KIF21A: variants seen among roughly 807,000 people sequenced by gnomAD.
The protein encoded by KIF21A is kinesin family member 21A.
Under a neutral mutation model 202.9 loss-of-function variants are expected in KIF21A, and 114 were observed. That is an observed-to-expected ratio of 0.56 (90% confidence interval 0.48 to 0.66). The LOEUF (loss-of-function observed/expected upper bound fraction) is 0.66. Ranked by LOEUF, KIF21A falls within the 30% of genes least tolerant of loss-of-function variation. The pLI, the probability that KIF21A is intolerant of heterozygous loss-of-function variation, is 0.00. For synonymous variants in KIF21A, 667 were observed against 670.8 expected, an observed-to-expected ratio of 0.99 and a Z score of 0.09; for missense variants, 1,677 against 1,994.9, an observed-to-expected ratio of 0.84 and a Z score of 3.04.
chr12:39,423,493 C>T (rs944910682), intron 1 of KIF21A, among the ~76,000 whole-genome samples: 3 of 151,926 alleles, frequency 2.0e-5, no homozygotes, highest in South Asian at 4.2e-4. Context: ...ATAGGTGCTA[C>T]ATTCAACAAC....
chr12:39,440,041 T>G (rs1939349591), intron 1 of KIF21A, among the ~76,000 whole-genome samples: 1 of 152,232 alleles, frequency 6.6e-6, no homozygotes, highest in African/African-American at 2.4e-5. Context: ...TGTATTGATT[T>G]ATTTATTCTG....
intron 31 of KIF21A, chr12:39,311,923 A>G: frequency 4.2e-6 from 1 of 236,134 alleles, no homozygotes; most frequent in Middle Eastern, 1.7e-3. Flanking sequence ...GGAAAACATA[A>G]TTCTATGTCA....
chr12:39,417,995 C>A (rs1271150503), intron 1 of KIF21A, among the ~76,000 whole-genome samples: 1 of 151,876 alleles, frequency 6.6e-6, no homozygotes, highest in Admixed American at 6.6e-5. Context: ...ATCTCTTGGG[C>A]TCAGGAGTTG....
intron 1 of KIF21A, among the ~76,000 whole-genome samples, chr12:39,406,841 C>T (rs1952630452): frequency 6.6e-6 from 1 of 152,124 alleles, no homozygotes; most frequent in South Asian, 2.1e-4. Flanking sequence ...CTCAAATCAA[C>T]CCACTCTCCA....
chr12:39,396,987 A>G (rs189441269), intron 1 of KIF21A, among the ~76,000 whole-genome samples: 1 of 152,352 alleles, frequency 6.6e-6, no homozygotes, highest in Admixed American at 6.5e-5. Flanking sequence ...GATTTTATTT[A>G]TTTAAAAAAT....
intron 37 of KIF21A, among the ~76,000 whole-genome samples, chr12:39,297,924 C>CA (rs200393283): frequency 0.14 from 18,725 of 131,024 alleles, 1,253 homozygotes; most frequent in East Asian, 0.17. Flanking sequence ...TTGGTATTAT[C>CA]AAAAAAAAAA....
intron 34 of KIF21A, among the ~76,000 whole-genome samples, chr12:39,306,933 T>C (rs1267012169): frequency 6.6e-6 from 1 of 152,204 alleles, no homozygotes; most frequent in Non-Finnish European, 1.5e-5. Flanking sequence ...AAGTGAATGT[T>C]TCCTTGCTGC....
chr12:39,311,506 G>A lies in KIF21A; in HGVS notation c.4007C>T (p.Pro1336Leu). 1 of 1,613,132 alleles carries A rather than the reference G, an allele frequency of 6.2e-7. No homozygotes were observed. The highest frequency in any genetic ancestry group is 8.5e-7 in the Non-Finnish European group (1 of 1,179,256). Residue 1336 changes from proline (P) to leucine (L), a missense_variant, in exon 32 of 38, where the codon CCA (proline) becomes CTA (leucine). Pro to Leu is a moderately conservative substitution (Grantham distance 98). Transcript: ENST00000361418. ...TTCAGCTATGTGAATACACTGAAGTGGAAAAGCTCTGATTCCTTTTGAAGC... is the reference window on the plus strand; with the variant it reads ...TTCAGCTATGTGAATACACTGAAGTAGAAAAGCTCTGATTCCTTTTGAAGC... ...FPASKGIRAFPLQCIHIAEGH... is the reference protein window; with the variant it reads ...FPASKGIRAFLLQCIHIAEGH...
rs1298321989 is a variant in KIF21A, at chr12:39,337,087, T to C, written c.2418+9A>G. 5 of 1,540,840 alleles carry C rather than the reference T, an allele frequency of 3.2e-6. No homozygotes were observed. The African/African-American group carries it at 4.1e-5, about 13-fold the overall frequency. ...TTTCTTATATAACTGAGAGTTAAAA[T>C]CCACTTACATCTCTTTTACGTTGAT... On this transcript the variant is annotated intron_variant, in intron 17 of 37. Transcript: ENST00000361418.
intron 37 of KIF21A, among the ~76,000 whole-genome samples, chr12:39,297,745 T>G (rs1037265347): frequency 4.0e-5 from 6 of 151,276 alleles, no homozygotes; most frequent in African/African-American, 1.5e-4. Flanking sequence ...AAAAAAAAGT[T>G]TAATAGAGCT....
In KIF21A at chr12:39,351,647, T is replaced by A. The variant is rs1008387867; in HGVS notation, c.1673+130A>T. On this transcript the variant is annotated intron_variant, in intron 11 of 37. Transcript: ENST00000361418. ...CCATTAAAAACTAGATAGTTGTAGT[T>A]TCAGCTAACATAGTGATTTATTTCA... 9 of 618,990 alleles carry A rather than the reference T, an allele frequency of 1.5e-5. No homozygotes were observed. The African/African-American group carries it at 1.7e-4, about 11-fold the overall frequency. The allele number at this position is 618,990 out of a possible 1,614,324, so 38.3% of individuals were successfully genotyped here. A position where few individuals can be genotyped will look rare whatever the true frequency, so the allele number is the denominator to read the frequency against.
chr12:39,392,889 C>T (rs1033959512), intron 1 of KIF21A, among the ~76,000 whole-genome samples: 7 of 133,164 alleles, frequency 5.3e-5, no homozygotes, highest in African/African-American at 2.0e-4. Flanking sequence ...AAGAAAAAGA[C>T]AATAAAATAA....
chr12:39,337,314 C>T (rs1238232195), intron 16 of KIF21A, 111 bp from the exon 17 acceptor site: 2 of 743,212 alleles, frequency 2.7e-6, no homozygotes, highest in Admixed American at 2.0e-5. Context: ...AACATGGAAA[C>T]ATGCAGTTTT....
At chr12:39,313,167 C>A (rs1220674971) in intron 31 of KIF21A, among the ~76,000 whole-genome samples, 1 of 151,620 alleles carries the variant, frequency 6.6e-6, no homozygotes, top group Non-Finnish European at 1.5e-5. Flanking sequence ...AAGTATATGC[C>A]ATTGTGTAAG....
chr12:39,424,781 C>T (rs935326482), intron 1 of KIF21A, among the ~76,000 whole-genome samples: 10 of 152,134 alleles, frequency 6.6e-5, no homozygotes, highest in Non-Finnish European at 1.0e-4. Context: ...ACTGCTTTCT[C>T]ACTCATCTCC....
chr12:39,346,367 T>C, intron 12 of KIF21A, 99 bp downstream of exon 12: 1 of 719,816 alleles, frequency 1.4e-6, no homozygotes, highest in South Asian at 6.3e-5. Flanking sequence ...CCAGCTTATC[T>C]AGTCTGAAAC....
chr12:39,332,054 C>A, intron 21 of KIF21A, 160 bp downstream of exon 21: 2 of 714,608 alleles, frequency 2.8e-6, no homozygotes, highest in African/African-American at 1.8e-5. Flanking sequence ...GCAGAGAAAT[C>A]TGAAAAGCAA....
chr12:39,441,177 C>T (rs186437024), intron 1 of KIF21A, among the ~76,000 whole-genome samples: 68 of 152,168 alleles, frequency 4.5e-4, no homozygotes, highest in African/African-American at 1.6e-3. Flanking sequence ...CACATTCATT[C>T]ACCTAAAAAG....
chr12:39,421,744 CACAT>C (rs1954292385), intron 1 of KIF21A, among the ~76,000 whole-genome samples: 1 of 130,830 alleles, frequency 7.6e-6, no homozygotes, highest in Non-Finnish European at 1.6e-5. Context: ...TATATATATA[CACAT>C]ACACACATAT....
Sources: gnomAD v4.1 joint callset for allele counts (sites outside exome capture counted in the v4.1 genomes callset) on GRCh38, gnomAD v4.1.1 for gene constraint, MANE v1.5 for transcripts, NCBI Gene and HGNC (gene_info 2026-07-23, HGNC 2026-07-21) for gene names.